GTF2F2: variants seen among roughly 807,000 people sequenced by gnomAD.
GTF2F2 encodes ATP-dependent helicase GTF2F2.
GTF2F2 carries 23 observed loss-of-function variants against 42.2 expected under a neutral mutation model. The observed-to-expected ratio is 0.55, with a 90% CI of 0.39 to 0.77. GTF2F2 has a LOEUF of 0.77. GTF2F2 is among the 30% of genes least tolerant of loss of function. The pLI is 0.00. For synonymous variants in GTF2F2, 105 were observed against 100.8 expected (o/e 1.04, Z -0.25); for missense variants, 261 against 287.2 (o/e 0.91, Z 0.66).
At chr13:45,256,617 T>C (rs1360934890) in intron 6 of GTF2F2, among the ~76,000 whole-genome samples, 1 of 152,140 alleles carries the variant, frequency 6.6e-6, no homozygotes, top group Non-Finnish European at 1.5e-5. Flanking sequence ...TAAACCAGGA[T>C]AGGCACCTGC....
intron 1 of GTF2F2, among the ~76,000 whole-genome samples, chr13:45,133,702 A>T (rs1393171953): frequency 6.6e-6 from 1 of 152,204 alleles, no homozygotes; most frequent in Non-Finnish European, 1.5e-5. Context: ...GGCAATGGTC[A>T]TGTGTAATCC....
rs1158010068 is a variant in GTF2F2, at chr13:45,191,215, C to CAAAAAAA, written c.305-16205_305-16199dup. 1.1e-3 allele frequency among the ~76,000 whole-genome samples: 80 copies of CAAAAAAA among 74,830 alleles called. 4 individuals are homozygous for CAAAAAAA. The highest frequency in any genetic ancestry group is 3.7e-3 in the African/African-American group (43 of 11,618). The allele number at this position is 74,830 out of a possible 152,430, so 49.1% of individuals were successfully genotyped here. Reference sequence around the variant, plus strand: ...TGAAACCCCGTCTCTACTAAAAATACAAAAAAAAAATATATATATATATAT... The same window carrying CAAAAAAA: ...TGAAACCCCGTCTCTACTAAAAATACAAAAAAAAAAAAAAAAATATATATATATATAT... On this transcript the variant is annotated intron_variant, in intron 4 of 7. Transcript: ENST00000340473.
chr13:45,195,680 C>T (rs1872855916), intron 4 of GTF2F2, among the ~76,000 whole-genome samples: 1 of 152,156 alleles, frequency 6.6e-6, no homozygotes, highest in South Asian at 2.1e-4. Context: ...CCTTCCAAAG[C>T]AATTTAGGGT....
At chr13:45,243,465 A>G (rs1396409968) in intron 5 of GTF2F2, among the ~76,000 whole-genome samples, 2 of 152,102 alleles carry the variant, frequency 1.3e-5, no homozygotes, top group Non-Finnish European at 2.9e-5. Flanking sequence ...GAACAGTTTC[A>G]TTTGCCACAC....
intron 4 of GTF2F2, among the ~76,000 whole-genome samples, chr13:45,183,394 T>C (rs1872255241): frequency 6.6e-6 from 1 of 152,130 alleles, no homozygotes; most frequent in Non-Finnish European, 1.5e-5. Flanking sequence ...GTGGCTTCCA[T>C]CCTCAGGGGG....
chr13:45,218,378 TC>T (rs1228995665), intron 5 of GTF2F2, among the ~76,000 whole-genome samples: 2 of 152,220 alleles, frequency 1.3e-5, no homozygotes, highest in Non-Finnish European at 2.9e-5. Flanking sequence ...TTTTTATCTG[TC>T]AGAAAATTGT....
chr13:45,233,900 G>A (rs534271831), intron 5 of GTF2F2, among the ~76,000 whole-genome samples: 14 of 152,266 alleles, frequency 9.2e-5, no homozygotes, highest in Admixed American at 2.6e-4. Context: ...GCAACAGAGC[G>A]CGTCTCTGTC....
At chr13:45,210,857 A>C (rs1479249753) in intron 5 of GTF2F2, among the ~76,000 whole-genome samples, 2 of 152,332 alleles carry the variant, frequency 1.3e-5, no homozygotes, top group Middle Eastern at 3.4e-3. Flanking sequence ...TTTTAGATAG[A>C]TCATTCTGGC....
chr13:45,222,466 A>T (rs1566140091), intron 5 of GTF2F2, among the ~76,000 whole-genome samples: 1 of 152,236 alleles, frequency 6.6e-6, no homozygotes, highest in African/African-American at 2.4e-5. Flanking sequence ...CAATGAAAGA[A>T]GCCCCCTTCT....
Position 45,190,504 on chromosome 13 carries a change from G to A in GTF2F2, c.305-16920G>A, listed in dbSNP as rs532948914. Among the ~76,000 whole-genome samples the A allele has an allele frequency of 1.3e-4, 20 of 152,180 alleles. 1 individual carries two copies. The South Asian group carries it at 4.2e-3, about 32-fold the overall frequency. On this transcript the variant is annotated intron_variant, in intron 4 of 7. Transcript: ENST00000340473. ...AGGTATACCTGGGCTTCAAATCCTGGTTCCACCTCTTTATAACTATGTAAT... is the reference window on the plus strand; with the variant it reads ...AGGTATACCTGGGCTTCAAATCCTGATTCCACCTCTTTATAACTATGTAAT...
intron 4 of GTF2F2, among the ~76,000 whole-genome samples, chr13:45,166,775 G>A (rs1300562145): frequency 6.6e-6 from 1 of 152,156 alleles, no homozygotes; most frequent in Non-Finnish European, 1.5e-5. Flanking sequence ...GACTATATTG[G>A]TATATCCCAG....
At chr13:45,135,103 G>C (rs1187803101) in intron 1 of GTF2F2, among the ~76,000 whole-genome samples, 1 of 151,970 alleles carries the variant, frequency 6.6e-6, no homozygotes, top group Non-Finnish European at 1.5e-5. Flanking sequence ...ACAGGCATGT[G>C]CCACTGCGCC....
chr13:45,252,130 A>C (rs1485150252), intron 5 of GTF2F2, among the ~76,000 whole-genome samples: 2 of 152,150 alleles, frequency 1.3e-5, no homozygotes, highest in Non-Finnish European at 2.9e-5. Context: ...ATATTTTCAA[A>C]AGCAGTGTTT....
intron 4 of GTF2F2, among the ~76,000 whole-genome samples, chr13:45,172,255 C>T (rs1022454772): frequency 6.6e-6 from 1 of 151,970 alleles, no homozygotes; most frequent in African/African-American, 2.4e-5. Flanking sequence ...TTTGTGTTTC[C>T]CTGTGGTTTT....
intron 1 of GTF2F2, among the ~76,000 whole-genome samples, chr13:45,131,930 G>GAA (rs1246012294): frequency 1.1e-4 from 16 of 145,588 alleles, no homozygotes; most frequent in Admixed American, 2.1e-4. Flanking sequence ...AAGAGAGAGA[G>GAA]AGAAAAGGTA....
At chr13:45,214,026 G>GTCGCT (rs2138197700) in intron 5 of GTF2F2, among the ~76,000 whole-genome samples, 1 of 152,258 alleles carries the variant, frequency 6.6e-6, no homozygotes, top group South Asian at 2.1e-4. Context: ...AAGTCAATGA[G>GTCGCT]TCGCTTTTCT....
At chr13:45,256,628 A>G (rs952121467) in intron 6 of GTF2F2, among the ~76,000 whole-genome samples, 8 of 152,288 alleles carry the variant, frequency 5.3e-5, no homozygotes, top group African/African-American at 9.6e-5. Context: ...AGGCACCTGC[A>G]TAGCTTTAAA....
intron 6 of GTF2F2, among the ~76,000 whole-genome samples, chr13:45,266,896 C>G (rs1169009777): frequency 6.6e-6 from 1 of 152,132 alleles, no homozygotes; most frequent in Non-Finnish European, 1.5e-5. Flanking sequence ...ACCTGTTATC[C>G]CGACACTTTG....
At chr13:45,156,599 A>C (rs1255055432) in intron 4 of GTF2F2, among the ~76,000 whole-genome samples, 3 of 152,102 alleles carry the variant, frequency 2.0e-5, no homozygotes, top group African/African-American at 7.2e-5. Context: ...ATTTTTTTTT[A>C]ATCTTTTTTG....
Sources: gnomAD v4.1 joint callset for allele counts (sites outside exome capture counted in the v4.1 genomes callset) on GRCh38, gnomAD v4.1.1 for gene constraint, MANE v1.5 for transcripts, NCBI Gene and HGNC (gene_info 2026-07-23, HGNC 2026-07-21) for gene names.